HEATR4: variants seen among roughly 807,000 people sequenced by gnomAD.
HEATR4 encodes the protein HEAT repeat containing 4.
Under a neutral mutation model 108.8 loss-of-function variants are expected in HEATR4, and 95 were observed. That is an observed-to-expected ratio of 0.87 (90% CI 0.74 to 1.04). The LOEUF (loss-of-function observed/expected upper bound fraction) is 1.04. Ranked by LOEUF, HEATR4 falls within the 50% of genes least tolerant of loss-of-function variation. HEATR4 has a pLI of 0.00. For synonymous variants in HEATR4, 443 were observed against 459.4 expected (o/e 0.96, Z 0.46); for missense variants, 1,152 against 1,253.8 (o/e 0.92, Z 1.23).
the HEATR4 span, among the ~76,000 whole-genome samples, chr14:73,568,566 A>T: frequency 1.8e-4 from 19 of 103,646 alleles, no homozygotes; most frequent in Non-Finnish European, 3.2e-4. Context: ...CCTGTCTCTC[A>T]AAAAAAAAAA....
At chr14:73,493,859 AAAG>A (rs1885947467) in intron 16 of HEATR4, among the ~76,000 whole-genome samples, 1 of 152,202 alleles carries the variant, frequency 6.6e-6, no homozygotes, top group South Asian at 2.1e-4. Flanking sequence ...CAAAAACAAA[AAAG>A]AATCTTATCT....
the HEATR4 span, among the ~76,000 whole-genome samples, chr14:73,564,780 G>A: frequency 1.6e-5 from 2 of 124,966 alleles, no homozygotes; most frequent in Non-Finnish European, 3.1e-5. Context: ...GCCCAAGCTG[G>A]TATCGAACTC....
the HEATR4 span, among the ~76,000 whole-genome samples, chr14:73,613,938 C>T: frequency 2.0e-5 from 3 of 150,224 alleles, no homozygotes; most frequent in Non-Finnish European, 4.4e-5. Flanking sequence ...GCCTGTAATC[C>T]CAGCACTTTG....
the HEATR4 span, chr14:73,612,474 G>A: frequency 1.2e-6 from 1 of 852,880 alleles, no homozygotes; most frequent in Non-Finnish European, 1.6e-6. Context: ...GTAGTGTTAA[G>A]GGCTCCGCCC....
At position 73,555,132 on chromosome 14, in the gene HEATR4, G is replaced by T. The variant is rs956340292; in HGVS notation, c.-152+3619C>A. Among the ~76,000 whole-genome samples the T allele has an allele frequency of 4.4e-5, 5 of 113,344 alleles. 1 individual carries two copies. The highest frequency in any genetic ancestry group is 8.5e-5 in the African/African-American group (3 of 35,152). The allele number at this position is 113,344 out of a possible 152,430, so 74.4% of individuals were successfully genotyped here. A position where few individuals can be genotyped will look rare whatever the true frequency, so the allele number is the denominator to read the frequency against. On this transcript the variant is annotated intron_variant, in intron 1 of 17. Transcript: ENST00000553558. The stretch of plus-strand genomic sequence containing the variant: ...AGAGAACTTTCTAAAACTAGAGAAA[G>T]ATATGAATATACAGGTATAAGAAGG...
At chr14:73,630,351 C>A in the HEATR4 span, among the ~76,000 whole-genome samples, 2 of 152,220 alleles carry the variant, frequency 1.3e-5, no homozygotes, top group African/African-American at 2.4e-5. Flanking sequence ...CCCCAGCAAG[C>A]CTTTGTTTCT....
chr14:73,630,813 T>TA, the HEATR4 span, among the ~76,000 whole-genome samples: 1 of 152,176 alleles, frequency 6.6e-6, no homozygotes, highest in Admixed American at 6.5e-5. Context: ...TTTTTATGGC[T>TA]AGCCTCAGGG....
In HEATR4 at chr14:73,492,643, G is replaced by A. The variant is rs749452153; in HGVS notation, c.2844+423C>T. ...AACCTGTAAACGTGGGGGCCCAGTT[G>A]ACAACAGAAACAGAAGTCCATATGC... On this transcript the variant is annotated intron_variant, in intron 17 of 17. Transcript: ENST00000553558. This position sits in a 1 kb window ranked among gnomAD's most constrained non-coding sequence, Gnocchi z 4.9. The A allele has an allele frequency of 8.7e-6, 14 of 1,613,880 alleles. No homozygotes were observed. Among genetic ancestry groups the A allele is most frequent in the Non-Finnish European group, 1.2e-5 (14 of 1,179,894 alleles).
the HEATR4 span, chr14:73,573,597 T>A: frequency 4.3e-6 from 7 of 1,613,592 alleles, 1 homozygote; most frequent in South Asian, 5.5e-5. Flanking sequence ...CGAGGTTAGT[T>A]CTTCTTTCAG....
chr14:73,591,945 C>G, the HEATR4 span: 1 of 1,362,674 alleles, frequency 7.3e-7, no homozygotes, highest in Non-Finnish European at 9.5e-7. Context: ...TTGAATTCCC[C>G]GCTCCGGCTC....
At chr14:73,568,352 G>GAA in the HEATR4 span, among the ~76,000 whole-genome samples, 124 of 146,206 alleles carry the variant, frequency 8.5e-4, 1 homozygote, top group Non-Finnish European at 1.0e-3. Context: ...CTTAAGTGAT[G>GAA]AAAAAAAAAA....
chr14:73,487,525 A>G (rs1191046687), intron 17 of HEATR4, among the ~76,000 whole-genome samples: 40 of 152,116 alleles, frequency 2.6e-4, no homozygotes, highest in Admixed American at 2.6e-3. Context: ...CCAAGATAGC[A>G]CCACTGCACT....
At chr14:73,633,324 A>G in the HEATR4 span, among the ~76,000 whole-genome samples, 1 of 152,056 alleles carries the variant, frequency 6.6e-6, no homozygotes, top group Non-Finnish European at 1.5e-5. Context: ...CACTTTCTGA[A>G]TGAAAAAGCA....
chr14:73,632,829 G>A, the HEATR4 span, among the ~76,000 whole-genome samples: 62 of 131,960 alleles, frequency 4.7e-4, no homozygotes, highest in Non-Finnish European at 7.9e-4. Context: ...GGGTGACAGA[G>A]TGAGACCCTG....
chr14:73,552,747 C>T (rs931506652), intron 1 of HEATR4, among the ~76,000 whole-genome samples: 1 of 106,838 alleles, frequency 9.4e-6, no homozygotes, highest in Non-Finnish European at 1.9e-5. Context: ...ACTTCCTGAT[C>T]CCACAACACC....
the HEATR4 span, chr14:73,612,501 G>T: frequency 3.8e-4 from 400 of 1,050,766 alleles, no homozygotes; most frequent in African/African-American, 6.3e-3. Flanking sequence ...ACTTTCCAGC[G>T]CTCGGCAAAG....
At chr14:73,502,430 C>T (rs1886529281) in intron 11 of HEATR4, among the ~76,000 whole-genome samples, 1 of 152,168 alleles carries the variant, frequency 6.6e-6, no homozygotes, top group Non-Finnish European at 1.5e-5. Flanking sequence ...GCACTCAATG[C>T]TTCTTTCCCT....
rs750273890 is a variant in HEATR4 at position 73,514,050 on chromosome 14, C to G, written c.1395G>C (p.Trp465Cys). ...LVVLRRMLKEWKTAWALIIEW... is the reference protein window; with the variant it reads ...LVVLRRMLKECKTAWALIIEW... ...ACTCACTCAGAGCCCAGGCAGTCTTCCATTCCTTCAGCATCCTCCGCAGGA... is the reference window on the plus strand; with the variant it reads ...ACTCACTCAGAGCCCAGGCAGTCTTGCATTCCTTCAGCATCCTCCGCAGGA... Residue 465 changes from tryptophan (W) to cysteine (C), a missense_variant, in exon 6 of 18, where the codon TGG (tryptophan) becomes TGC (cysteine). Trp to Cys is a radical substitution (Grantham distance 215). Coordinates refer to ENST00000553558, the MANE Select transcript of HEATR4 (RefSeq NM_001220484.1). 6.2e-7 allele frequency: 1 copy of G among 1,614,200 alleles called. No homozygotes were observed. The highest frequency in any genetic ancestry group is 8.5e-7 in the Non-Finnish European group (1 of 1,180,038).
At position 73,522,821 on chromosome 14, in the gene HEATR4, G is replaced by A. The variant is rs375629269; in HGVS notation, c.332C>T (p.Ala111Val). 19 of 1,614,092 alleles carry A rather than the reference G, an allele frequency of 1.2e-5. No individual in the cohort carries two copies. Among genetic ancestry groups the A allele is most frequent in the Non-Finnish European group, 1.6e-5 (19 of 1,180,044 alleles). Residue 111 changes from alanine to valine, a missense_variant, in exon 3 of 18, where the codon GCC becomes GTC. Coordinates refer to ENST00000553558, the MANE Select transcript of HEATR4 (RefSeq NM_001220484.1). The part of the protein sequence containing the change: ...DIIHTPQIRK[A>V]RPQKPVSFKF... Reference sequence around the variant, plus strand: ...GAAGCTAACAGGTTTCTGAGGCCGGGCCTTCCTGATCTGGGGAGTATGGAT... The same window carrying A: ...GAAGCTAACAGGTTTCTGAGGCCGGACCTTCCTGATCTGGGGAGTATGGAT...
Sources: gnomAD v4.1 joint callset for allele counts (sites outside exome capture counted in the v4.1 genomes callset) on GRCh38, gnomAD v4.1.1 for gene constraint, Gnocchi (gnomAD v3.1) non-coding constraint, MANE v1.5 for transcripts, NCBI Gene and HGNC (gene_info 2026-07-23, HGNC 2026-07-21) for gene names.